Variants in ZNF678 observed in about 807,000 individuals in gnomAD.
The protein encoded by ZNF678 is hypothetical protein MGC42493.
Under a neutral mutation model 3.0 loss-of-function variants are expected in ZNF678, and 5 were observed. The observed-to-expected ratio is 1.69, with a 90% CI of 0.88 to 3.56. The LOEUF is 3.56. Among genes scored for constraint, ZNF678 ranks in the 30% most tolerant of loss-of-function variants. ZNF678 has a pLI of 0.00. For missense variants in ZNF678, 593 were observed against 605.0 expected, an observed-to-expected ratio of 0.98 and a Z score of 0.21; for synonymous variants, 218 against 199.6, an observed-to-expected ratio of 1.09 and a Z score of -0.78.
intron 1 of ZNF678, among the ~76,000 whole-genome samples, chr1:227,627,407 A>G (rs750568105): frequency 6.6e-5 from 10 of 152,018 alleles, no homozygotes; most frequent in African/African-American, 1.5e-4. Context: ...GGGTCCTTCT[A>G]TAAGCATTTC....
chr1:227,640,604 C>T (rs941263078), intron 1 of ZNF678, among the ~76,000 whole-genome samples: 8 of 152,106 alleles, frequency 5.3e-5, no homozygotes, highest in Admixed American at 3.3e-4. Context: ...ACAATAATTG[C>T]TTATGTCAGT....
intron 1 of ZNF678, among the ~76,000 whole-genome samples, chr1:227,620,131 A>T (rs1287356668): frequency 6.6e-6 from 1 of 152,324 alleles, no homozygotes; most frequent in East Asian, 1.9e-4. Flanking sequence ...TGAGCTTCTC[A>T]TGTTTCTCTC....
rs577877248 is a variant in ZNF678, at chr1:227,635,379, A to C, written c.-163-11165A>C. 5.9e-5 allele frequency among the ~76,000 whole-genome samples: 9 copies of C among 152,344 alleles called. No individual in the cohort carries two copies. The East Asian group carries it at 1.5e-3, about 26-fold the overall frequency. On this transcript the variant is annotated intron_variant, in intron 1 of 3. Transcript: ENST00000343776. ...CTACCTTCAGCAGGACCTGGCTCCAAGTTCCAAAACTATCTTATGTCATGA... is the reference window on the plus strand; with the variant it reads ...CTACCTTCAGCAGGACCTGGCTCCACGTTCCAAAACTATCTTATGTCATGA...
chr1:227,611,402 A>G (rs1026515759), intron 1 of ZNF678, among the ~76,000 whole-genome samples: 1 of 152,198 alleles, frequency 6.6e-6, no homozygotes, highest in African/African-American at 2.4e-5. Flanking sequence ...AGACTTCACA[A>G]TCAGCCTCCC....
intron 1 of ZNF678, among the ~76,000 whole-genome samples, chr1:227,643,442 A>G (rs1658870740): frequency 6.6e-6 from 1 of 152,152 alleles, no homozygotes; most frequent in South Asian, 2.1e-4. Context: ...TGTGAAGCCC[A>G]AGGTCCCAGC....
At chr1:227,640,465 G>A (rs943380530) in intron 1 of ZNF678, among the ~76,000 whole-genome samples, 3 of 151,986 alleles carry the variant, frequency 2.0e-5, no homozygotes, top group African/African-American at 4.8e-5. Flanking sequence ...TCAGGGCAGC[G>A]AGAATGGAGG....
At chr1:227,612,591 G>A (rs1341316079) in intron 1 of ZNF678, among the ~76,000 whole-genome samples, 1 of 152,074 alleles carries the variant, frequency 6.6e-6, no homozygotes, top group African/African-American at 2.4e-5. Flanking sequence ...CCAGACTTTG[G>A]TACCTGGGAT....
intron 1 of ZNF678, among the ~76,000 whole-genome samples, chr1:227,599,488 A>T (rs1006085029): frequency 7.9e-5 from 12 of 152,226 alleles, no homozygotes; most frequent in Non-Finnish European, 1.8e-4. Context: ...TGACTGAGTT[A>T]TACTTTTTTT....
chr1:227,640,119 T>C (rs768020944), intron 1 of ZNF678, among the ~76,000 whole-genome samples: 1 of 151,834 alleles, frequency 6.6e-6, no homozygotes, highest in Non-Finnish European at 1.5e-5. Context: ...CTGCTGAGGA[T>C]GTGAAGGGGG....
At position 227,661,299 on chromosome 1, in the gene ZNF678, T is replaced by TTG. The variant is rs1219278008; in HGVS notation, c.*5472_*5473insGT. 5 of 150,902 alleles carry TTG rather than the reference T, an allele frequency of 3.3e-5. No individual in the cohort carries two copies. Among genetic ancestry groups the TTG allele is most frequent in the African/African-American group, 1.2e-4 (5 of 40,942 alleles). The allele number at this position is 150,902 out of a possible 1,614,324, so 9.3% of individuals were successfully genotyped here. On this transcript the variant is annotated 3_prime_UTR_variant, in exon 4 of 4. Coordinates refer to ENST00000343776, the MANE Select transcript of ZNF678 (RefSeq NM_001367909.1). The stretch of plus-strand genomic sequence containing the variant: ...TTTTGTTGTTTTGTTTTGTTTTGTT[T>TTG]TTGTTGTTGTTGTTGTTGTTGTTTA...
At position 227,638,440 on chromosome 1, in the gene ZNF678, C is replaced by T. The variant is rs79371059; in HGVS notation, c.-163-8104C>T. 1.1e-3 allele frequency among the ~76,000 whole-genome samples: 162 copies of T among 152,224 alleles called. 1 individual carries two copies. Among genetic ancestry groups the T allele is most frequent in the Admixed American group, 3.2e-3 (49 of 15,300 alleles). ...AGGTGACTAGCAAGGAGGTGAGAAA[C>T]GATAGGCTTTAGGCCTACAAGAGCT... On this transcript the variant is annotated intron_variant, in intron 1 of 3. Coordinates refer to ENST00000343776, the MANE Select transcript of ZNF678 (RefSeq NM_001367909.1). The surrounding 1 kb of genome is among the most constrained non-coding windows in gnomAD (Gnocchi z 4.2).
intron 1 of ZNF678, among the ~76,000 whole-genome samples, chr1:227,571,291 T>A (rs1656834253): frequency 6.6e-6 from 1 of 152,246 alleles, no homozygotes; most frequent in Non-Finnish European, 1.5e-5. Flanking sequence ...CAGTCACATA[T>A]GAACATGGTA....
chr1:227,577,233 G>A (rs1657008969), intron 1 of ZNF678, among the ~76,000 whole-genome samples: 1 of 152,196 alleles, frequency 6.6e-6, no homozygotes, highest in Non-Finnish European at 1.5e-5. Flanking sequence ...TGGGTGTACA[G>A]TTCTGTGGAT....
chr1:227,627,440 G>A (rs1386163119), intron 1 of ZNF678, among the ~76,000 whole-genome samples: 1 of 151,940 alleles, frequency 6.6e-6, no homozygotes, highest in East Asian at 1.9e-4. Context: ...CCGCCTTGCA[G>A]CTCTTTTGGC....
intron 1 of ZNF678, among the ~76,000 whole-genome samples, chr1:227,620,927 T>G (rs1286474077): frequency 6.6e-6 from 1 of 152,176 alleles, no homozygotes; most frequent in African/African-American, 2.4e-5. Flanking sequence ...CTTTTGGGTC[T>G]GATCATTAGA....
chr1:227,581,587 T>G (rs993357594), intron 1 of ZNF678, among the ~76,000 whole-genome samples: 5 of 152,234 alleles, frequency 3.3e-5, no homozygotes, highest in Admixed American at 3.3e-4. Context: ...GCGCATTGCT[T>G]CTTTTTCATC....
At chr1:227,626,921 T>G (rs1658433689) in intron 1 of ZNF678, among the ~76,000 whole-genome samples, 2 of 151,552 alleles carry the variant, frequency 1.3e-5, no homozygotes, top group African/African-American at 2.4e-5. Flanking sequence ...CTTTATTACC[T>G]CATGGGCCTG....
At chr1:227,649,497 T>C (rs1659041266) in intron 2 of ZNF678, among the ~76,000 whole-genome samples, 1 of 152,140 alleles carries the variant, frequency 6.6e-6, no homozygotes, top group Admixed American at 6.5e-5. Context: ...ATTACAGGCA[T>C]GCACCACCAC....
rs1326136392 is a variant in ZNF678, at chr1:227,658,153, G to A, written c.*2325G>A. 3 of 151,536 alleles carry A rather than the reference G, an allele frequency of 2.0e-5. No individual in the cohort carries two copies. Among genetic ancestry groups the A allele is most frequent in the Non-Finnish European group, 4.4e-5 (3 of 67,746 alleles). 9.4% of individuals were successfully genotyped at this position (151,536 alleles called of 1,614,324 possible). On this transcript the variant is annotated 3_prime_UTR_variant, in exon 4 of 4. Coordinates refer to ENST00000343776, the MANE Select transcript of ZNF678 (RefSeq NM_001367909.1). ...ATTTCAATTGGAGAACCCTATTTTG[G>A]CCAATTTTTACTTGGTTTTTGTTTC...
Sources: allele counts gnomAD v4.1 joint callset (sites outside exome capture counted in the v4.1 genomes callset), GRCh38; gene constraint gnomAD v4.1.1; non-coding constraint Gnocchi (gnomAD v3.1); transcripts MANE v1.5; gene names NCBI Gene and HGNC (gene_info 2026-07-23, HGNC 2026-07-21).